The following PRELID2 variants were observed in gnomAD, a reference collection of about 807,000 sequenced individuals.
PRELID2 encodes PRELI domain-containing protein 2.
PRELID2 carries 25 observed loss-of-function variants against 28.4 expected under a neutral mutation model. The observed-to-expected ratio is 0.88, with a 90% CI of 0.64 to 1.23. The LOEUF (loss-of-function observed/expected upper bound fraction) is 1.23. Ranked by LOEUF, PRELID2 falls within the 50% of genes most tolerant of loss-of-function variation. The pLI, the probability that PRELID2 is intolerant of heterozygous loss-of-function variation, is 0.00. For synonymous variants in PRELID2, 76 were observed against 71.6 expected (o/e 1.06, Z -0.31); for missense variants, 201 against 214.4 (o/e 0.94, Z 0.39).
chr5:145,283,488 T>C, the PRELID2 span, among the ~76,000 whole-genome samples: 1 of 152,184 alleles, frequency 6.6e-6, no homozygotes, highest in Non-Finnish European at 1.5e-5. Context: ...ATAAATTCCA[T>C]TTTTAAGTTA....
At chr5:145,409,233 A>C in the PRELID2 span, among the ~76,000 whole-genome samples, 1 of 152,196 alleles carries the variant, frequency 6.6e-6, no homozygotes, top group Admixed American at 6.5e-5. Flanking sequence ...AAAACTTTGA[A>C]ACAAACCTTA....
At chr5:145,252,803 G>A in the PRELID2 span, among the ~76,000 whole-genome samples, 1 of 152,054 alleles carries the variant, frequency 6.6e-6, no homozygotes, top group Non-Finnish European at 1.5e-5. Context: ...GTACAACCAT[G>A]TGAACACACT....
At position 145,624,541 on chromosome 5, in the gene PRELID2, A is replaced by G. The variant is rs145372064; in HGVS notation, n.70+140390T>C. Among the ~76,000 whole-genome samples the G allele has an allele frequency of 4.9e-4, 75 of 152,338 alleles. No individual in the cohort carries two copies. In the East Asian group the frequency reaches 0.013, roughly 27 times the overall value. On this transcript the variant is annotated intron_variant and non_coding_transcript_variant, in intron 1 of 2. Transcript: ENST00000510259. ...AACTAATATATATTTCTTATGCCAT[A>G]AGGGAAAAACTGAAACTATGTATCT...
At chr5:145,269,867 CAT>C in the PRELID2 span, among the ~76,000 whole-genome samples, 1 of 144,728 alleles carries the variant, frequency 6.9e-6, no homozygotes, top group Non-Finnish European at 1.5e-5. Flanking sequence ...TATATATATA[CAT>C]ATATATGTAT....
intron 1 of PRELID2, among the ~76,000 whole-genome samples, chr5:145,596,956 A>G (rs1753315748): frequency 1.3e-5 from 2 of 152,164 alleles, no homozygotes; most frequent in Non-Finnish European, 2.9e-5. Flanking sequence ...ACTGTTCCAT[A>G]GTCCATTGAG....
chr5:145,300,701 T>A, the PRELID2 span, among the ~76,000 whole-genome samples: 1 of 70,484 alleles, frequency 1.4e-5, no homozygotes, highest in East Asian at 2.9e-4. Flanking sequence ...TTTTATTTAC[T>A]TTTTTTTTTT....
chr5:145,610,740 G>A (rs1753601249), intron 1 of PRELID2, among the ~76,000 whole-genome samples: 1 of 152,060 alleles, frequency 6.6e-6, no homozygotes, highest in South Asian at 2.1e-4. Flanking sequence ...TCTAAGACAA[G>A]TATTTTCTCC....
Position 145,817,635 on chromosome 5 carries a change from T to A in PRELID2, c.368+259A>T, listed in dbSNP as rs112954253. Among the ~76,000 whole-genome samples, 11 of 151,972 alleles carry A rather than the reference T, an allele frequency of 7.2e-5. 1 individual carries two copies. The highest frequency in any genetic ancestry group is 4.2e-4 in the South Asian group (2 of 4,816). On this transcript the variant is annotated intron_variant, in intron 4 of 6. Coordinates refer to ENST00000683046, the MANE Select transcript of PRELID2 (RefSeq NM_205846.3). ...AGGTCTGGAAGAATATTCAGCAAACTGATAACACTCACTACTTCTCAAGAG... is the reference window on the plus strand; with the variant it reads ...AGGTCTGGAAGAATATTCAGCAAACAGATAACACTCACTACTTCTCAAGAG...
intron 1 of PRELID2, among the ~76,000 whole-genome samples, chr5:145,627,989 C>T (rs767166199): frequency 2.0e-5 from 3 of 152,170 alleles, no homozygotes; most frequent in Non-Finnish European, 4.4e-5. Context: ...ATTCTACACA[C>T]CTGTGACCCA....
chr5:145,625,258 T>C (rs183397608), intron 1 of PRELID2, among the ~76,000 whole-genome samples: 1 of 152,250 alleles, frequency 6.6e-6, no homozygotes. Flanking sequence ...CCAGAACACA[T>C]GTACAAAGCC....
At chr5:145,678,772 C>G (rs756675718) in intron 1 of PRELID2, among the ~76,000 whole-genome samples, 1 of 151,900 alleles carries the variant, frequency 6.6e-6, no homozygotes, top group Non-Finnish European at 1.5e-5. Flanking sequence ...ACTGGGGGGT[C>G]GAGGAGGAGT....
At chr5:145,793,220 T>C (rs1752509660) in intron 5 of PRELID2, among the ~76,000 whole-genome samples, 1 of 152,176 alleles carries the variant, frequency 6.6e-6, no homozygotes, top group Non-Finnish European at 1.5e-5. Flanking sequence ...AGGCACAGAA[T>C]ACGTATGACC....
chr5:145,374,564 C>T, the PRELID2 span, among the ~76,000 whole-genome samples: 1 of 152,096 alleles, frequency 6.6e-6, no homozygotes, highest in Non-Finnish European at 1.5e-5. Flanking sequence ...GGTTAATATC[C>T]TGAAGTGTGT....
chr5:145,337,847 C>A, the PRELID2 span: 3 of 151,076 alleles, frequency 2.0e-5, no homozygotes, highest in Non-Finnish European at 4.4e-5. Context: ...GTGCCATTCT[C>A]CCAACACATG....
At chr5:145,804,459 G>A (rs907732340) in intron 4 of PRELID2, among the ~76,000 whole-genome samples, 17 of 152,056 alleles carry the variant, frequency 1.1e-4, no homozygotes, top group African/African-American at 3.6e-4. Flanking sequence ...GTGGTGAGCC[G>A]AGATCACGCC....
At chr5:145,477,653 C>A (rs554145127) in intron 1 of PRELID2, among the ~76,000 whole-genome samples, 5 of 152,204 alleles carry the variant, frequency 3.3e-5, no homozygotes, top group African/African-American at 1.2e-4. Context: ...GTGCTATCAC[C>A]AGAAGGTAAA....
chr5:145,601,591 T>C (rs192426300), intron 1 of PRELID2, among the ~76,000 whole-genome samples: 2 of 152,278 alleles, frequency 1.3e-5, no homozygotes, highest in Admixed American at 6.5e-5. Flanking sequence ...TTAAATCATA[T>C]TGAAGAGTTA....
At chr5:145,308,622 A>G in the PRELID2 span, among the ~76,000 whole-genome samples, 2 of 146,990 alleles carry the variant, frequency 1.4e-5, no homozygotes, top group Non-Finnish European at 1.5e-5. Context: ...GTTAGAGTGT[A>G]TTTTTTTTTT....
At chr5:145,363,222 A>T in the PRELID2 span, among the ~76,000 whole-genome samples, 158 of 152,180 alleles carry the variant, frequency 1.0e-3, 1 homozygote, top group African/African-American at 3.7e-3. Context: ...ATTGATAGCC[A>T]GTTATCATTG....
Sources: allele counts gnomAD v4.1 joint callset (sites outside exome capture counted in the v4.1 genomes callset), GRCh38; gene constraint gnomAD v4.1.1; transcripts MANE v1.5; gene names NCBI Gene and HGNC (gene_info 2026-07-23, HGNC 2026-07-21).